Variants in LCOR observed in about 807,000 individuals in gnomAD.
LCOR encodes the protein ligand dependent nuclear receptor corepressor, also known as ligand-dependent corepressor.
A neutral mutation model predicts 64.4 loss-of-function variants in LCOR; 14 were observed. The ratio of observed to expected loss-of-function variants is 0.22; its 90% CI spans 0.14 to 0.34. LCOR has a LOEUF of 0.34. LCOR is among the 10% of genes least tolerant of loss of function. The pLI is 1.00. For missense variants in LCOR, 1,686 were observed against 1,765.3 expected (o/e 0.96, Z 0.80); for synonymous variants, 643 against 642.5 (o/e 1.00, Z -0.01).
chr10:96,947,936 C>T (rs775345215), intron 5 of LCOR, among the ~76,000 whole-genome samples: 1 of 151,642 alleles, frequency 6.6e-6, no homozygotes, highest in Non-Finnish European at 1.5e-5. Context: ...TCAGCTAAAT[C>T]GAATACACTT....
intron 7 of LCOR, chr10:96,957,863 G>A: frequency 1.0e-6 from 1 of 986,028 alleles, no homozygotes; most frequent in Non-Finnish European, 1.2e-6. Context: ...GGATAACTGA[G>A]CCTGTTTCCT....
chr10:96,934,682 A>G (rs1040338797), intron 4 of LCOR, among the ~76,000 whole-genome samples: 42 of 152,106 alleles, frequency 2.8e-4, no homozygotes, highest in African/African-American at 9.9e-4. Context: ...GCTCACTGCA[A>G]CCTCCGCCTC....
rs1312115894 is a variant in LCOR, at chr10:96,987,196, A to G, written c.*2062A>G. 3 of 152,210 alleles carry G rather than the reference A, an allele frequency of 2.0e-5. No individual in the cohort carries two copies. The highest frequency in any genetic ancestry group is 2.9e-5 in the Non-Finnish European group (2 of 68,046). 9.4% of individuals were successfully genotyped at this position (152,210 alleles called of 1,614,324 possible). A position where few individuals can be genotyped will look rare whatever the true frequency, so the allele number is the denominator to read the frequency against. ...GCACAGAGGCATTAATGTGTTTTGAATAGGTTCATTTAATCTTAAAAAATG... is the reference window on the plus strand; with the variant it reads ...GCACAGAGGCATTAATGTGTTTTGAGTAGGTTCATTTAATCTTAAAAAATG... On this transcript the variant is annotated 3_prime_UTR_variant, in exon 8 of 8. Coordinates refer to ENST00000421806, the MANE Select transcript of LCOR (RefSeq NM_001346516.2).
intron 2 of LCOR, among the ~76,000 whole-genome samples, chr10:96,884,283 A>G (rs936514544): frequency 6.6e-6 from 1 of 152,234 alleles, no homozygotes; most frequent in Non-Finnish European, 1.5e-5. Flanking sequence ...AAATAGCAAT[A>G]GATATAATTT....
intron 2 of LCOR, among the ~76,000 whole-genome samples, chr10:96,876,762 T>A (rs1241604767): frequency 6.6e-6 from 1 of 152,184 alleles, no homozygotes; most frequent in Non-Finnish European, 1.5e-5. Flanking sequence ...CGATCTCAGT[T>A]CACTGCAATC....
intron 2 of LCOR, among the ~76,000 whole-genome samples, chr10:96,845,582 C>T (rs1450260512): frequency 6.8e-6 from 1 of 147,898 alleles, no homozygotes; most frequent in Non-Finnish European, 1.5e-5. Flanking sequence ...ATTCTCCTGC[C>T]TCAGCCTCCC....
At chr10:96,875,581 G>T (rs561496313) in intron 2 of LCOR, among the ~76,000 whole-genome samples, 1 of 152,194 alleles carries the variant, frequency 6.6e-6, no homozygotes, top group South Asian at 2.1e-4. Context: ...AAACACATGG[G>T]CCAGGTTTGG....
intron 7 of LCOR, 31 bp from the exon 8 acceptor site, chr10:96,980,762 A>T: frequency 1.5e-6 from 1 of 650,886 alleles, no homozygotes; most frequent in Non-Finnish European, 2.8e-6. Flanking sequence ...AAATGACAAT[A>T]CTAATTCCTT....
chr10:96,956,117 C>T, intron 7 of LCOR: 1 of 1,403,878 alleles, frequency 7.1e-7, no homozygotes. Flanking sequence ...TGCAGTATGG[C>T]TCGGAATATG....
chr10:96,952,059 T>C (rs1847689300), intron 6 of LCOR, 44 bp from the exon 7 acceptor site: 4 of 1,414,988 alleles, frequency 2.8e-6, no homozygotes, highest in Non-Finnish European at 4.0e-6. Flanking sequence ...TTACATTTGC[T>C]CCTAGCTTTT....
intron 6 of LCOR, among the ~76,000 whole-genome samples, chr10:96,950,405 T>G (rs531273016): frequency 1.3e-5 from 2 of 152,162 alleles, no homozygotes; most frequent in South Asian, 4.1e-4. Context: ...TTTACAAAGT[T>G]GTATCTTTTA....
At chr10:96,848,337 T>C (rs1845667072) in intron 2 of LCOR, among the ~76,000 whole-genome samples, 1 of 152,214 alleles carries the variant, frequency 6.6e-6, no homozygotes, top group Admixed American at 6.5e-5. Context: ...ATTTTGATTT[T>C]AGATTTTAAA....
intron 7 of LCOR, chr10:96,964,099 C>T (rs1287948356): frequency 1.3e-5 from 2 of 152,144 alleles, no homozygotes; most frequent in Admixed American, 6.5e-5. Context: ...TGTAGTAGAG[C>T]ACTTATGATC....
At chr10:96,909,309 G>T (rs962472328) in intron 4 of LCOR, among the ~76,000 whole-genome samples, 4 of 152,038 alleles carry the variant, frequency 2.6e-5, no homozygotes, top group African/African-American at 9.7e-5. Context: ...TCTTTCTAAT[G>T]ATATCCCACT....
chr10:96,893,376 A>G (rs1846479493), intron 2 of LCOR, among the ~76,000 whole-genome samples: 1 of 152,208 alleles, frequency 6.6e-6, no homozygotes, highest in Admixed American at 6.5e-5. Flanking sequence ...TATCTCTAAT[A>G]TGCTTTCAGA....
In LCOR at chr10:96,952,178, C is replaced by T; in HGVS notation, c.314C>T (p.Ser105Phe). The change falls in exon 7 of 8, where the codon TCC becomes TTC. Residue 105 changes from serine to phenylalanine, a missense_variant. By Grantham distance (155) the Ser-to-Phe change is radical. This residue lies in a region of LCOR where 313 missense variants were observed against 247.2 expected (regional missense o/e 1.27). Transcript: ENST00000421806. Reference protein sequence around the residue: ...STSLSHSPGCSSTQGNGENST... With the variant: ...STSLSHSPGCFSTQGNGENST... ...TCCCTGAGCCACTCTCCAGGCTGCTCCAGTACTCAAGGGAACGGGTAAGGG... is the reference window on the plus strand; with the variant it reads ...TCCCTGAGCCACTCTCCAGGCTGCTTCAGTACTCAAGGGAACGGGTAAGGG... The T allele has an allele frequency of 4.3e-6, 7 of 1,613,392 alleles. No homozygotes were observed. The highest frequency in any genetic ancestry group is 5.1e-6 in the Non-Finnish European group (6 of 1,179,348).
At chr10:96,874,418 T>C (rs567888524) in intron 2 of LCOR, among the ~76,000 whole-genome samples, 1 of 152,320 alleles carries the variant, frequency 6.6e-6, no homozygotes, top group African/African-American at 2.4e-5. Flanking sequence ...TGGCTTTCCA[T>C]GCATATTTTA....
chr10:96,870,773 T>G (rs1846059962), intron 2 of LCOR, among the ~76,000 whole-genome samples: 1 of 152,216 alleles, frequency 6.6e-6, no homozygotes, highest in Non-Finnish European at 1.5e-5. Context: ...CCTTCTTTAG[T>G]CATTCTATTT....
chr10:96,955,350 G>C, intron 7 of LCOR: 1 of 1,614,122 alleles, frequency 6.2e-7, no homozygotes, highest in East Asian at 2.2e-5. Flanking sequence ...TGGAAAAAAG[G>C]ATGTGAGCCA....
Sources: allele counts gnomAD v4.1 joint callset (sites outside exome capture counted in the v4.1 genomes callset), GRCh38; gene constraint gnomAD v4.1.1; regional missense constraint gnomAD v4.1.1; transcripts MANE v1.5; gene names NCBI Gene and HGNC (gene_info 2026-07-23, HGNC 2026-07-21).